The following PDZD2 variants were observed in gnomAD, a reference collection of about 807,000 sequenced individuals.
The protein encoded by PDZD2 is PDZ domain-containing protein 2.
In PDZD2, 90 loss-of-function variants were observed where a neutral mutation model predicts 220.7. That is an observed-to-expected ratio of 0.41 (90% CI 0.34 to 0.49). The LOEUF (loss-of-function observed/expected upper bound fraction) is 0.49. Ranked by LOEUF, PDZD2 falls within the 20% of genes least tolerant of loss-of-function variation. The pLI is 0.28. For synonymous variants in PDZD2, 1,375 were observed against 1,450.5 expected (o/e 0.95, Z 1.18); for missense variants, 3,174 against 3,608.5 (o/e 0.88, Z 3.08).
In PDZD2 at chr5:31,963,397, G is replaced by T. The variant is rs1748425374; in HGVS notation, c.477-19758G>T. On this transcript the variant is annotated intron_variant, in intron 2 of 24. Transcript: ENST00000438447. ...AAATATTTGTGACAAATGGAGGGAA[G>T]ATAAGAAAGCAGCTTTTCTGACCGG... is the stretch of plus-strand genomic sequence containing the variant. 1.3e-5 allele frequency among the ~76,000 whole-genome samples: 2 copies of T among 152,250 alleles called. 1 individual carries two copies.
chr5:31,906,681 A>G (rs147946958), intron 2 of PDZD2, among the ~76,000 whole-genome samples: 26,361 of 151,882 alleles, frequency 0.17, 2,675 homozygotes, highest in Middle Eastern at 0.25. Flanking sequence ...CGTCTCTACT[A>G]AAAATACAAA....
At chr5:31,988,136 C>T (rs1366114983) in intron 3 of PDZD2, among the ~76,000 whole-genome samples, 1 of 152,190 alleles carries the variant, frequency 6.6e-6, no homozygotes, top group African/African-American at 2.4e-5. Flanking sequence ...CATCTCATTA[C>T]TCACACACAT....
At chr5:31,674,687 T>C (rs1746337616) in intron 1 of PDZD2, among the ~76,000 whole-genome samples, 1 of 152,114 alleles carries the variant, frequency 6.6e-6, no homozygotes, top group South Asian at 2.1e-4. Context: ...ATGGGACCTT[T>C]TATGGAAATG....
rs780631217 is a variant in PDZD2 at position 32,090,610 on chromosome 5, G to A, written c.7162G>A (p.Ala2388Thr). 5.2e-5 allele frequency: 84 copies of A among 1,613,804 alleles called. 1 individual carries two copies. The highest frequency in any genetic ancestry group is 4.9e-4 in the Middle Eastern group (3 of 6,062). Residue 2388 changes from alanine to threonine, a missense_variant, in exon 20 of 25, where the codon GCA becomes ACA. Physicochemically the swap from Ala to Thr is moderately conservative, Grantham distance 58 (BLOSUM62 0). Transcript: ENST00000438447. The surrounding 1 kb of genome is among the most constrained non-coding windows in gnomAD (Gnocchi z 4.3). ...VSGSLGHPGD[A>T]AARLLRRSLS... ...CGGGAGCCTGGGCCACCCAGGTGAC[G>A]CAGCAGCAAGGTTGTTGAGACGCAG...
At chr5:32,008,485 C>A (rs1277580691) in intron 5 of PDZD2, among the ~76,000 whole-genome samples, 1 of 152,004 alleles carries the variant, frequency 6.6e-6, no homozygotes, top group African/African-American at 2.4e-5. Context: ...GGGGTTTCAC[C>A]ATGTTGGCCA....
At chr5:32,010,731 T>G (rs555118369) in intron 6 of PDZD2, 45 of 499,604 alleles carry the variant, frequency 9.0e-5, no homozygotes, top group Admixed American at 1.9e-4. Flanking sequence ...CACAGTGGCT[T>G]ACACCTGTAA....
At chr5:31,929,346 A>G (rs1745051743) in intron 2 of PDZD2, among the ~76,000 whole-genome samples, 1 of 152,240 alleles carries the variant, frequency 6.6e-6, no homozygotes, top group Admixed American at 6.5e-5. Flanking sequence ...TGTGTGCTAC[A>G]GATCATTCTT....
chr5:31,822,908 C>T (rs1755972258), intron 2 of PDZD2: 5 of 876,734 alleles, frequency 5.7e-6, no homozygotes, highest in South Asian at 5.1e-5. Flanking sequence ...ATGTTCTGTG[C>T]ATAACTACAA....
chr5:32,048,966 C>A (rs933962859), intron 8 of PDZD2, among the ~76,000 whole-genome samples: 5 of 152,148 alleles, frequency 3.3e-5, no homozygotes, highest in African/African-American at 1.2e-4. Flanking sequence ...GATGGCGTCT[C>A]ATAGTCTGTG....
intron 1 of PDZD2, among the ~76,000 whole-genome samples, chr5:31,694,014 T>G (rs958770199): frequency 2.6e-5 from 4 of 152,188 alleles, no homozygotes; most frequent in Non-Finnish European, 5.9e-5. Context: ...TGCCCAGGAT[T>G]GAATATTGTT....
At chr5:32,043,002 A>G (rs1166248360) in intron 7 of PDZD2, among the ~76,000 whole-genome samples, 2 of 152,220 alleles carry the variant, frequency 1.3e-5, no homozygotes. Flanking sequence ...TCACTCAGTC[A>G]ATGCCGGGAA....
chr5:32,067,563 T>C (rs1398173949), intron 14 of PDZD2, among the ~76,000 whole-genome samples: 1 of 152,200 alleles, frequency 6.6e-6, no homozygotes, highest in Non-Finnish European at 1.5e-5. Context: ...TATGATAAAA[T>C]ATAATGCTGA....
At chr5:32,101,961 G>T (rs1561605876) in intron 24 of PDZD2, among the ~76,000 whole-genome samples, 1 of 152,182 alleles carries the variant, frequency 6.6e-6, no homozygotes, top group African/African-American at 2.4e-5. Flanking sequence ...ATGTAACAGA[G>T]TAAGTAGGTC....
At chr5:31,976,820 C>T (rs7705345) in intron 2 of PDZD2, among the ~76,000 whole-genome samples, 36,612 of 145,798 alleles carry the variant, frequency 0.25, 4,817 homozygotes, top group Middle Eastern at 0.33. Flanking sequence ...CAGGTTCAAG[C>T]GATTCTCCTG....
At chr5:31,728,692 A>C (rs1749323431) in intron 1 of PDZD2, among the ~76,000 whole-genome samples, 1 of 152,220 alleles carries the variant, frequency 6.6e-6, no homozygotes, top group South Asian at 2.1e-4. Flanking sequence ...ATGATATTTC[A>C]TTTATAAAAT....
intron 2 of PDZD2, among the ~76,000 whole-genome samples, chr5:31,897,747 T>C (rs1246227816): frequency 6.6e-6 from 1 of 151,366 alleles, no homozygotes; most frequent in Non-Finnish European, 1.5e-5. Flanking sequence ...TGTTGGCTTT[T>C]TTTTTTTGAG....
intron 1 of PDZD2, among the ~76,000 whole-genome samples, chr5:31,740,194 T>A (rs1750160491): frequency 6.6e-6 from 1 of 152,072 alleles, no homozygotes; most frequent in South Asian, 2.1e-4. Context: ...TGCTTCAGGA[T>A]CTTGATCCTA....
intron 13 of PDZD2, among the ~76,000 whole-genome samples, chr5:32,059,678 T>C (rs1469217192): frequency 1.3e-5 from 2 of 152,244 alleles, no homozygotes; most frequent in Non-Finnish European, 2.9e-5. Flanking sequence ...TCTTTCATTT[T>C]ATATTCACAT....
At chr5:31,798,176 C>T (rs1469644280) in intron 1 of PDZD2, among the ~76,000 whole-genome samples, 2 of 152,180 alleles carry the variant, frequency 1.3e-5, no homozygotes, top group Non-Finnish European at 2.9e-5. Flanking sequence ...GCAAAGAAGG[C>T]ACCTGTCTTC....
Sources: gnomAD v4.1 joint callset for allele counts (sites outside exome capture counted in the v4.1 genomes callset) on GRCh38, gnomAD v4.1.1 for gene constraint, Gnocchi (gnomAD v3.1) non-coding constraint, MANE v1.5 for transcripts, NCBI Gene and HGNC (gene_info 2026-07-23, HGNC 2026-07-21) for gene names.